LHCGR: variants seen among roughly 807,000 people sequenced by gnomAD.
LHCGR encodes the protein lutropin-choriogonadotropic hormone receptor.
LHCGR carries 55 observed loss-of-function variants against 60.7 expected under a neutral mutation model. The ratio of observed to expected loss-of-function variants is 0.91; its 90% CI spans 0.73 to 1.13. LHCGR has a LOEUF of 1.13. Among genes scored for constraint, LHCGR ranks in the 50% most tolerant of loss-of-function variants. The pLI, the probability that LHCGR is intolerant of heterozygous loss-of-function variation, is 0.00. For synonymous variants in LHCGR, 337 were observed against 316.5 expected (o/e 1.06, Z -0.69); for missense variants, 862 against 836.0 (o/e 1.03, Z -0.38).
intron 8 of LHCGR, among the ~76,000 whole-genome samples, chr2:48,699,473 A>G (rs761606937): frequency 3.3e-5 from 5 of 152,178 alleles, no homozygotes; most frequent in Non-Finnish European, 5.9e-5. Context: ...TTTATGCGAC[A>G]GCCAGCACAT....
At chr2:48,701,337 A>G (rs1464573063) in intron 8 of LHCGR, among the ~76,000 whole-genome samples, 1 of 151,984 alleles carries the variant, frequency 6.6e-6, no homozygotes, top group Non-Finnish European at 1.5e-5. Flanking sequence ...AGGCCCCGCC[A>G]TGATCCAGCT....
chr2:48,747,657 G>A (rs766867005), intron 1 of LHCGR, among the ~76,000 whole-genome samples: 10 of 150,736 alleles, frequency 6.6e-5, no homozygotes, highest in African/African-American at 1.7e-4. Flanking sequence ...TTTTGGAACC[G>A]ACTCCTTGTA....
rs147257782 is a variant in LHCGR at position 48,734,884 on chromosome 2, T to A, written c.162-3586A>T. On this transcript the variant is annotated intron_variant, in intron 1 of 10. Coordinates refer to ENST00000294954, the MANE Select transcript of LHCGR (RefSeq NM_000233.4). ...TGCACCTCAGATGGGTGGTAAAGAA[T>A]TAGGGTTACTGGGAAAATATGAGGT... 6.7e-3 allele frequency among the ~76,000 whole-genome samples: 1,013 copies of A among 152,296 alleles called. 31 individuals are homozygous for A. Among genetic ancestry groups the A allele is most frequent in the Admixed American group, 0.052 (793 of 15,302 alleles).
intron 2 of LHCGR, among the ~76,000 whole-genome samples, chr2:48,730,175 A>G (rs1249880077): frequency 6.6e-6 from 1 of 152,248 alleles, no homozygotes. Context: ...AGCCTAAGGT[A>G]GCTAATGTCT....
chr2:48,688,516 A>G lies in LHCGR; in HGVS notation c.1281T>C (p.Tyr427=). Residue 427 remains tyrosine (Y), a synonymous_variant, in exon 11 of 11, where the codon TAT becomes TAC. Transcript: ENST00000294954. This position sits in a 1 kb window ranked among gnomAD's most constrained non-coding sequence, Gnocchi z 5.2. ...CTGTCTGCCAGTCTATGGCATGGTT[A>G]TAGTACTGGCCCTTGGTTTGGGAAT... is the stretch of plus-strand genomic sequence containing the variant. The part of the protein sequence containing the change: ...SVDSQTKGQY[Y]NHAIDWQTGS... 1.2e-6 allele frequency: 2 copies of G among 1,614,154 alleles called. No individual in the cohort carries two copies. The highest frequency in any genetic ancestry group is 2.2e-5 in the East Asian group (1 of 44,890).
At chr2:48,701,720 G>A (rs1667420350) in intron 8 of LHCGR, among the ~76,000 whole-genome samples, 1 of 152,072 alleles carries the variant, frequency 6.6e-6, no homozygotes, top group Non-Finnish European at 1.5e-5. Flanking sequence ...CCCATCCTAT[G>A]AAGGCAGAAG....
At chr2:48,716,611 C>T (rs767005450) in intron 6 of LHCGR, among the ~76,000 whole-genome samples, 5 of 152,142 alleles carry the variant, frequency 3.3e-5, no homozygotes, top group African/African-American at 7.2e-5. Flanking sequence ...AACATAGGTA[C>T]AGGGTTGATG....
chr2:48,726,164 A>G (rs960029736), intron 3 of LHCGR, among the ~76,000 whole-genome samples: 7 of 152,070 alleles, frequency 4.6e-5, no homozygotes, highest in African/African-American at 1.7e-4. Context: ...CTTGTAAGCA[A>G]ACTCGTCCTC....
intron 7 of LHCGR, among the ~76,000 whole-genome samples, chr2:48,710,965 T>A (rs1667960164): frequency 6.6e-6 from 1 of 152,220 alleles, no homozygotes; most frequent in African/African-American, 2.4e-5. Context: ...TTCCCATGGC[T>A]GCTCAGTCCT....
chr2:48,687,158 C>T lies in LHCGR; in HGVS notation c.*539G>A, dbSNP rs1679934329. The T allele has an allele frequency of 6.4e-6, 1 of 157,426 alleles. No homozygotes were observed. Among genetic ancestry groups the T allele is most frequent in the African/African-American group, 2.4e-5 (1 of 41,474 alleles). The allele number at this position is 157,426 out of a possible 1,614,324, so 9.8% of individuals were successfully genotyped here. On this transcript the variant is annotated 3_prime_UTR_variant, in exon 11 of 11. Coordinates refer to ENST00000294954, the MANE Select transcript of LHCGR (RefSeq NM_000233.4). The stretch of plus-strand genomic sequence containing the variant: ...GCTGTCCAGTATGGTAAGCACTAGT[C>T]ACACGTAGCCATTGAGAACTTGAAA...
chr2:48,751,543 T>A (rs1241554209), intron 1 of LHCGR, among the ~76,000 whole-genome samples: 1 of 152,204 alleles, frequency 6.6e-6, no homozygotes, highest in Non-Finnish European at 1.5e-5. Context: ...TTGTTGTCTT[T>A]CTCTCTACAC....
intron 7 of LHCGR, among the ~76,000 whole-genome samples, chr2:48,709,716 C>T (rs1281412253): frequency 6.6e-6 from 1 of 151,382 alleles, no homozygotes; most frequent in African/African-American, 2.4e-5. Context: ...GAAGTAGCTC[C>T]CTGAGGGCTC....
At chr2:48,728,582 A>G (rs964289412) in intron 3 of LHCGR, among the ~76,000 whole-genome samples, 1 of 152,146 alleles carries the variant, frequency 6.6e-6, no homozygotes, top group Non-Finnish European at 1.5e-5. Context: ...CATCACTTGA[A>G]AACTGAATTG....
chr2:48,740,416 T>C (rs10203909), intron 1 of LHCGR, among the ~76,000 whole-genome samples: 29,833 of 151,792 alleles, frequency 0.2, 4,862 homozygotes, highest in African/African-American at 0.43. Context: ...AAGACAGCAG[T>C]AACCTCTGCA....
intron 6 of LHCGR, chr2:48,721,308 A>T (rs1363426349): frequency 5.8e-6 from 1 of 173,232 alleles, no homozygotes; most frequent in East Asian, 1.5e-4. Flanking sequence ...CAGATCCATT[A>T]TGCAATGGTG....
intron 3 of LHCGR, among the ~76,000 whole-genome samples, chr2:48,726,500 A>G (rs1434005752): frequency 6.6e-6 from 1 of 152,170 alleles, no homozygotes; most frequent in African/African-American, 2.4e-5. Context: ...TCCCCGCCCA[A>G]CTCCCTCATT....
At position 48,717,303 on chromosome 2, in the gene LHCGR, G is replaced by A. The variant is rs142684330; in HGVS notation, c.537-3249C>T. ...TTCTGTTAGACTCACAGTGTCACAG[G>A]TGTACCCTTGTGGTTAAGTCTGCAG... On this transcript the variant is annotated intron_variant, in intron 6 of 10. Transcript: ENST00000294954. Among the ~76,000 whole-genome samples the A allele has an allele frequency of 2.2e-3, 342 of 152,306 alleles. 1 individual carries two copies. The highest frequency in any genetic ancestry group is 0.012 in the South Asian group (56 of 4,826).
At chr2:48,740,368 T>C (rs1377697876) in intron 1 of LHCGR, among the ~76,000 whole-genome samples, 1 of 152,232 alleles carries the variant, frequency 6.6e-6, no homozygotes, top group Non-Finnish European at 1.5e-5. Flanking sequence ...CCTGCCTCTG[T>C]AGGCTCCACC....
chr2:48,688,028 A>G lies in LHCGR; in HGVS notation c.1769T>C (p.Ile590Thr), dbSNP rs374225612. The change falls in exon 11 of 11, where the codon ATC becomes ACC. Residue 590 changes from isoleucine to threonine, a missense_variant. Ile to Thr is a moderately conservative substitution (Grantham distance 89). Transcript: ENST00000294954. This position sits in a 1 kb window ranked among gnomAD's most constrained non-coding sequence, Gnocchi z 5.2. ...TCMAPISFFA[I>T]SAAFKVPLIT... is the part of the protein sequence containing the mutation. ...AAGAGGTACTTTGAAGGCAGCTGAG[A>G]TGGCAAAAAAAGAGATAGGTGCCAT... 7 of 1,614,086 alleles carry G rather than the reference A, an allele frequency of 4.3e-6. No homozygotes were observed. The African/African-American group carries it at 9.3e-5, about 22-fold the overall frequency.
Sources: allele counts gnomAD v4.1 joint callset (sites outside exome capture counted in the v4.1 genomes callset), GRCh38; gene constraint gnomAD v4.1.1; non-coding constraint Gnocchi (gnomAD v3.1); transcripts MANE v1.5; gene names NCBI Gene and HGNC (gene_info 2026-07-23, HGNC 2026-07-21).